Variants in AMPD3 observed in about 807,000 individuals in gnomAD.
AMPD3 encodes adenosine monophosphate deaminase 3.
Under a neutral mutation model 82.3 loss-of-function variants are expected in AMPD3, and 57 were observed. The observed-to-expected ratio is 0.69, with a 90% CI of 0.56 to 0.86. The LOEUF is 0.86. Among genes scored for constraint, AMPD3 ranks in the 40% least tolerant of loss-of-function variants. The pLI is 0.00. For synonymous variants in AMPD3, 381 were observed against 394.7 expected, an observed-to-expected ratio of 0.97 and a Z score of 0.41; for missense variants, 870 against 1,003.8, an observed-to-expected ratio of 0.87 and a Z score of 1.80.
At chr11:10,452,046 A>G (rs1027935835), upstream of AMPD3, among the ~76,000 whole-genome samples, 2 of 152,050 alleles carry the variant, frequency 1.3e-5, no homozygotes, top group African/African-American at 2.4e-5. Flanking sequence ...CTCTAGGAAT[A>G]ATGACACCTG....
intron 2 of AMPD3, among the ~76,000 whole-genome samples, chr11:10,474,926 A>G (rs1848694963): frequency 6.6e-6 from 1 of 152,222 alleles, no homozygotes; most frequent in East Asian, 1.9e-4. Context: ...ACCTTGGCCC[A>G]TCAGAAGGAA....
intron 8 of AMPD3, 82 bp downstream of exon 8, chr11:10,495,112 C>A: frequency 6.2e-7 from 1 of 1,611,998 alleles, no homozygotes; most frequent in Middle Eastern, 1.7e-4. Flanking sequence ...CTGTGTGCCC[C>A]TGGCCCCTTC....
At chr11:10,500,320 C>T in intron 11 of AMPD3, 71 bp downstream of exon 11, 2 of 1,524,660 alleles carry the variant, frequency 1.3e-6, no homozygotes, top group Non-Finnish European at 1.8e-6. Context: ...CACACATGCA[C>T]ACACACATGC....
intron 12 of AMPD3, chr11:10,502,269 C>T: frequency 1.0e-6 from 1 of 985,424 alleles, no homozygotes; most frequent in Non-Finnish European, 1.2e-6. Flanking sequence ...CAGGTCCACC[C>T]CTCCCATCCC....
upstream of AMPD3, among the ~76,000 whole-genome samples, chr11:10,451,782 A>G (rs1847970181): frequency 6.6e-6 from 1 of 152,236 alleles, no homozygotes; most frequent in South Asian, 2.1e-4. Context: ...GCTTTCCCTC[A>G]GGATGCAGTG....
chr11:10,492,542 G>T (rs769144057), intron 6 of AMPD3, among the ~76,000 whole-genome samples: 11 of 152,174 alleles, frequency 7.2e-5, no homozygotes, highest in Non-Finnish European at 1.6e-4. Context: ...GGCCCTCAGG[G>T]TTATCACTAA....
chr11:10,460,409 C>CTT (rs34448488), intron 1 of AMPD3, among the ~76,000 whole-genome samples: 4 of 142,216 alleles, frequency 2.8e-5, no homozygotes, highest in Admixed American at 7.1e-5. Context: ...CCAGAGTATA[C>CTT]TTTTTTTTTT....
At chr11:10,504,439 G>A in intron 13 of AMPD3, 110 bp from the exon 14 acceptor site, 1 of 1,166,548 alleles carries the variant, frequency 8.6e-7, no homozygotes, top group East Asian at 2.4e-5. Flanking sequence ...GTGCCATTTA[G>A]TGAGGAAAAG....
chr11:10,498,542 C>T (rs1849487393), intron 10 of AMPD3: 1 of 152,490 alleles, frequency 6.6e-6, no homozygotes, highest in Non-Finnish European at 1.5e-5. Flanking sequence ...GAGCACAGAG[C>T]AGAGCTCAAG....
At chr11:10,486,389 G>A (rs1278969698) in intron 5 of AMPD3, among the ~76,000 whole-genome samples, 1 of 152,278 alleles carries the variant, frequency 6.6e-6, no homozygotes, top group South Asian at 2.1e-4. Flanking sequence ...AATTGTGGTC[G>A]AAGGTTCCAT....
chr11:10,462,664 C>T (rs1848304485), intron 2 of AMPD3, among the ~76,000 whole-genome samples: 1 of 152,112 alleles, frequency 6.6e-6, no homozygotes, highest in Admixed American at 6.5e-5. Flanking sequence ...TGAGGGCAAA[C>T]AGGCCCAGGA....
At chr11:10,485,540 C>T (rs1246949493) in intron 5 of AMPD3, among the ~76,000 whole-genome samples, 3 of 152,024 alleles carry the variant, frequency 2.0e-5, no homozygotes, top group South Asian at 2.1e-4. Context: ...CCACTGTGAC[C>T]GGCCTCCCTG....
At chr11:10,495,781 A>G (rs912543150) in intron 9 of AMPD3, 48 bp downstream of exon 9, 10 of 1,609,900 alleles carry the variant, frequency 6.2e-6, no homozygotes, top group African/African-American at 5.3e-5. Context: ...AGAGGTGACA[A>G]TCTGTCCCTC....
Position 10,504,559 on chromosome 11 carries a change from T to G in AMPD3, c.2027T>G (p.Met676Arg). Reference sequence around the variant, plus strand: ...TGGGGGAGGATCTAGGAAGCACTTATGGAAGAATATGCCATTGCAGCTCAA... The same window carrying G: ...TGGGGGAGGATCTAGGAAGCACTTAGGGAAGAATATGCCATTGCAGCTCAA... The part of the protein sequence containing the change: ...MQFHYTKEAL[M>R]EEYAIAAQVW... Residue 676 changes from methionine to arginine, a missense_variant, in exon 14 of 15, where the codon ATG becomes AGG. Physicochemically the swap from Met to Arg is moderately conservative, Grantham distance 91. Transcript: ENST00000396553. 3 of 1,614,196 alleles carry G rather than the reference T, an allele frequency of 1.9e-6. No homozygotes were observed. Among genetic ancestry groups the G allele is most frequent in the South Asian group, 2.2e-5 (2 of 91,084 alleles).
At chr11:10,450,541 G>A, upstream of AMPD3, 1 of 986,368 alleles carries the variant, frequency 1.0e-6, no homozygotes, top group Non-Finnish European at 1.2e-6. Context: ...ACGGGGAGCG[G>A]TGTGGAAGCC....
At chr11:10,453,203 G>A (rs888146393), upstream of AMPD3, among the ~76,000 whole-genome samples, 8 of 152,204 alleles carry the variant, frequency 5.3e-5, no homozygotes, top group African/African-American at 1.4e-4. Context: ...TGGCCGCCTC[G>A]GCCTCCCAAA....
intron 7 of AMPD3, among the ~76,000 whole-genome samples, chr11:10,494,248 G>T (rs1849324280): frequency 6.6e-6 from 1 of 152,218 alleles, no homozygotes; most frequent in South Asian, 2.1e-4. Flanking sequence ...AATATCATAT[G>T]ATTCCACTGA....
chr11:10,498,929 G>C (rs1849498874), intron 10 of AMPD3, among the ~76,000 whole-genome samples: 1 of 152,216 alleles, frequency 6.6e-6, no homozygotes, highest in Non-Finnish European at 1.5e-5. Flanking sequence ...CAGCCAGAAG[G>C]CTCCAGTGAC....
chr11:10,465,107 G>A (rs530972523), intron 2 of AMPD3, among the ~76,000 whole-genome samples: 13 of 152,278 alleles, frequency 8.5e-5, no homozygotes, highest in South Asian at 2.1e-4. Context: ...TTAAATGAGC[G>A]AATACACAAA....
Sources: allele counts gnomAD v4.1 joint callset (sites outside exome capture counted in the v4.1 genomes callset), GRCh38; gene constraint gnomAD v4.1.1; transcripts MANE v1.5; gene names NCBI Gene and HGNC (gene_info 2026-07-23, HGNC 2026-07-21).